Variants in STEAP4 observed in about 807,000 individuals in gnomAD.
STEAP4 encodes the protein metalloreductase STEAP4.
In STEAP4, 36 loss-of-function variants were observed where a neutral mutation model predicts 43.6. The observed-to-expected ratio is 0.83, with a 90% CI of 0.63 to 1.09. The LOEUF (loss-of-function observed/expected upper bound fraction) is 1.09. STEAP4 is among the 50% of genes least tolerant of loss of function. The probability of loss-of-function intolerance (pLI) is 0.00; values close to 1 mark genes in which losing one functional copy is unlikely to be tolerated. For missense variants in STEAP4, 495 were observed against 546.5 expected (o/e 0.91, Z 0.94); for synonymous variants, 191 against 196.7 (o/e 0.97, Z 0.24).
In STEAP4 at chr7:88,278,664, G is replaced by A. The variant is rs1314086777; in HGVS notation, c.*734C>T. On this transcript the variant is annotated 3_prime_UTR_variant, in exon 5 of 5. Coordinates refer to ENST00000380079, the MANE Select transcript of STEAP4 (RefSeq NM_024636.4). ...TTGCACAATGCAAGTGAAATCCAAG[G>A]GGATATCCCTCCATTTTTATTCAGT... The A allele has an allele frequency of 1.3e-5, 2 of 152,066 alleles. No homozygotes were observed. The highest frequency in any genetic ancestry group is 2.4e-5 in the African/African-American group (1 of 41,396). 9.4% of individuals were successfully genotyped at this position (152,066 alleles called of 1,614,324 possible).
At chr7:88,302,727 GCAGATCACTT>G (rs765260958) in intron 1 of STEAP4, among the ~76,000 whole-genome samples, 4 of 151,940 alleles carry the variant, frequency 2.6e-5, no homozygotes, top group Non-Finnish European at 5.9e-5. Flanking sequence ...GCCAAGACAG[GCAGATCACTT>G]GAGGTCAGGA....
Position 88,279,273 on chromosome 7 carries a change from C to A in STEAP4, c.*125G>T, listed in dbSNP as rs537435269. 15 of 766,926 alleles carry A rather than the reference C, an allele frequency of 2.0e-5. No homozygotes were observed. The highest frequency in any genetic ancestry group is 3.1e-5 in the Non-Finnish European group (15 of 477,322). The allele number at this position is 766,926 out of a possible 1,614,324, so 47.5% of individuals were successfully genotyped here. A position where few individuals can be genotyped will look rare whatever the true frequency, so the allele number is the denominator to read the frequency against. On this transcript the variant is annotated 3_prime_UTR_variant, in exon 5 of 5. Transcript: ENST00000380079. ...AGACAAGCAATGTTTCCCTCAGTCA[C>A]GGTGTAAGAAAAAAACTTTCCTAAC...
At chr7:88,299,643 T>C (rs1335789362) in intron 1 of STEAP4, among the ~76,000 whole-genome samples, 4 of 152,250 alleles carry the variant, frequency 2.6e-5, no homozygotes, top group Non-Finnish European at 4.4e-5. Flanking sequence ...GTTTTGCTTT[T>C]CTAGGTCTAT....
chr7:88,286,686 G>A (rs1852740109), intron 1 of STEAP4, among the ~76,000 whole-genome samples: 1 of 151,854 alleles, frequency 6.6e-6, no homozygotes, highest in Non-Finnish European at 1.5e-5. Flanking sequence ...ACTCCAGCCT[G>A]GGCAACAGAG....
At chr7:88,286,636 G>C (rs1392877648) in intron 1 of STEAP4, among the ~76,000 whole-genome samples, 1 of 152,136 alleles carries the variant, frequency 6.6e-6, no homozygotes, top group African/African-American at 2.4e-5. Flanking sequence ...GCTTGAACTT[G>C]GGAGGTGGAG....
Position 88,282,728 on chromosome 7 carries a change from T to G in STEAP4, c.897A>C (p.Gly299=). Residue 299 remains glycine (G), a synonymous_variant, in exon 3 of 5, where the codon GGA becomes GGC. Transcript: ENST00000380079. The part of the protein sequence containing the change: ...CRKQLGLVAL[G]FAFLHVLYTL... ...TGTAGAGGACATGAAGGAAGGCAAATCCCAGAGCTACCAAGCCAAGCTGCT... is the reference window on the plus strand; with the variant it reads ...TGTAGAGGACATGAAGGAAGGCAAAGCCCAGAGCTACCAAGCCAAGCTGCT... 6.2e-7 allele frequency: 1 copy of G among 1,613,856 alleles called. No homozygotes were observed. The highest frequency in any genetic ancestry group is 1.1e-5 in the South Asian group (1 of 91,076).
At position 88,274,715 on chromosome 7, in the gene STEAP4, A is replaced by G. The variant is rs1852486437; in HGVS notation, c.*4683T>C. The G allele has an allele frequency of 6.6e-6, 1 of 152,192 alleles. No homozygotes were observed. Among genetic ancestry groups the G allele is most frequent in the Non-Finnish European group, 1.5e-5 (1 of 68,042 alleles). The allele number at this position is 152,192 out of a possible 1,614,324, so 9.4% of individuals were successfully genotyped here. A position where few individuals can be genotyped will look rare whatever the true frequency, so the allele number is the denominator to read the frequency against. ...TATAGTTATTTCTTGATTATATGCT[A>G]AACAAGGGATGGATTATTCATGAGA... On this transcript the variant is annotated 3_prime_UTR_variant, in exon 5 of 5. Coordinates refer to ENST00000380079, the MANE Select transcript of STEAP4 (RefSeq NM_024636.4).
chr7:88,291,470 G>C (rs1380800732), intron 1 of STEAP4, among the ~76,000 whole-genome samples: 2 of 145,108 alleles, frequency 1.4e-5, no homozygotes, highest in Admixed American at 1.4e-4. Flanking sequence ...CTGGGCAACA[G>C]AGCAAGACTC....
At chr7:88,293,378 T>A (rs1852871515) in intron 1 of STEAP4, among the ~76,000 whole-genome samples, 1 of 151,330 alleles carries the variant, frequency 6.6e-6, no homozygotes, top group African/African-American at 2.4e-5. Flanking sequence ...GATATGTGAT[T>A]TGCAAGCATT....
intron 1 of STEAP4, among the ~76,000 whole-genome samples, chr7:88,293,906 T>G (rs1852881476): frequency 6.6e-6 from 1 of 152,166 alleles, no homozygotes; most frequent in Non-Finnish European, 1.5e-5. Flanking sequence ...AAAACTATTA[T>G]AGCTACTCTA....
intron 1 of STEAP4, among the ~76,000 whole-genome samples, chr7:88,285,581 C>A (rs893384871): frequency 4.6e-5 from 7 of 151,660 alleles, no homozygotes; most frequent in Non-Finnish European, 7.4e-5. Flanking sequence ...TTTGGGAGGC[C>A]AAGGCAGGTG....
Position 88,272,560 on chromosome 7 carries a change from A to T in STEAP4, c.*6838T>A, listed in dbSNP as rs1852452218. On this transcript the variant is annotated 3_prime_UTR_variant, in exon 5 of 5. Transcript: ENST00000380079. ...GGTCTGCCCGTGGTGCTGGCTTGTG[A>T]GCTGTTTTTTACCAGTCTGTGATAA... 6.6e-6 allele frequency: 1 copy of T among 152,136 alleles called. No individual in the cohort carries two copies. The highest frequency in any genetic ancestry group is 1.5e-5 in the Non-Finnish European group (1 of 68,040). 9.4% of individuals were successfully genotyped at this position (152,136 alleles called of 1,614,324 possible). A position where few individuals can be genotyped will look rare whatever the true frequency, so the allele number is the denominator to read the frequency against.
In STEAP4 at chr7:88,278,318, G is replaced by A. The variant is rs553141044; in HGVS notation, c.*1080C>T. 6.6e-6 allele frequency: 1 copy of A among 152,202 alleles called. No homozygotes were observed. The highest frequency in any genetic ancestry group is 2.4e-5 in the African/African-American group (1 of 41,538). 9.4% of individuals were successfully genotyped at this position (152,202 alleles called of 1,614,324 possible). On this transcript the variant is annotated 3_prime_UTR_variant, in exon 5 of 5. Transcript: ENST00000380079. The stretch of plus-strand genomic sequence containing the variant: ...TAATGATGAATCTTCACACCTCTCT[G>A]CCCTATGATTTTCCGTAATTTTCGA...
Position 88,278,049 on chromosome 7 carries a change from G to T in STEAP4, c.*1349C>A, listed in dbSNP as rs1272959746. The T allele has an allele frequency of 1.3e-5, 2 of 150,144 alleles. No individual in the cohort carries two copies. Among genetic ancestry groups the T allele is most frequent in the Non-Finnish European group, 3.0e-5 (2 of 67,660 alleles). The allele number at this position is 150,144 out of a possible 1,614,324, so 9.3% of individuals were successfully genotyped here. On this transcript the variant is annotated 3_prime_UTR_variant, in exon 5 of 5. Coordinates refer to ENST00000380079, the MANE Select transcript of STEAP4 (RefSeq NM_024636.4). Reference sequence around the variant, plus strand: ...TTTTGTATAATGTCATGTATAATATGTTATAATGAAAGTAAAAAAAAAAAA... The same window carrying T: ...TTTTGTATAATGTCATGTATAATATTTTATAATGAAAGTAAAAAAAAAAAA...
chr7:88,281,142 C>T (rs1852613816), intron 3 of STEAP4, 63 bp from the exon 4 acceptor site: 1 of 1,332,740 alleles, frequency 7.5e-7, no homozygotes. Context: ...ACAAACTGCC[C>T]ACACTTTGAC....
intron 1 of STEAP4, among the ~76,000 whole-genome samples, chr7:88,295,815 T>C (rs1473103011): frequency 6.6e-6 from 1 of 152,148 alleles, no homozygotes; most frequent in African/African-American, 2.4e-5. Context: ...TTCTTTTCCT[T>C]TTTATTTTGG....
At chr7:88,298,801 AGGTT>A (rs1852976495) in intron 1 of STEAP4, among the ~76,000 whole-genome samples, 1 of 152,184 alleles carries the variant, frequency 6.6e-6, no homozygotes, top group South Asian at 2.1e-4. Flanking sequence ...AAACTACTTC[AGGTT>A]GGTTGCTAAA....
chr7:88,282,586 G>A (rs77925192), intron 3 of STEAP4, 55 bp downstream of exon 3: 253,449 of 1,456,062 alleles, frequency 0.17, 24,250 homozygotes, highest in Non-Finnish European at 0.2. Flanking sequence ...GGAATATGAT[G>A]TAGCAATAGT....
At chr7:88,292,911 C>A (rs549901653) in intron 1 of STEAP4, 1 of 152,124 alleles carries the variant, frequency 6.6e-6, no homozygotes, top group Non-Finnish European at 1.5e-5. Flanking sequence ...AAGTTTAACT[C>A]TTCATCTAAG....
Sources: gnomAD v4.1 joint callset for allele counts (sites outside exome capture counted in the v4.1 genomes callset) on GRCh38, gnomAD v4.1.1 for gene constraint, MANE v1.5 for transcripts, NCBI Gene and HGNC (gene_info 2026-07-23, HGNC 2026-07-21) for gene names.